BMPR1A: variants seen among roughly 807,000 people sequenced by gnomAD.
The protein encoded by BMPR1A is bone morphogenetic protein receptor type-1A.
A neutral mutation model predicts 66.0 loss-of-function variants in BMPR1A; 7 were observed. The ratio of observed to expected loss-of-function variants is 0.11; its 90% CI spans 0.06 to 0.20. The LOEUF is 0.20. BMPR1A is among the 10% of genes least tolerant of loss of function. BMPR1A has a pLI of 1.00. For synonymous variants in BMPR1A, 200 were observed against 229.7 expected, an observed-to-expected ratio of 0.87 and a Z score of 1.17; for missense variants, 408 against 669.1, an observed-to-expected ratio of 0.61 and a Z score of 4.31.
At chr10:86,821,542 T>A (rs902311754) in intron 1 of BMPR1A, among the ~76,000 whole-genome samples, 1 of 152,168 alleles carries the variant, frequency 6.6e-6, no homozygotes, top group Non-Finnish European at 1.5e-5. Flanking sequence ...ATCATGCTCA[T>A]TGCTAAGTTG....
chr10:86,779,802 A>G (rs61858601), intron 1 of BMPR1A, among the ~76,000 whole-genome samples: 6,780 of 152,020 alleles, frequency 0.045, 151 homozygotes, highest in Middle Eastern at 0.086. Flanking sequence ...GGGTCTCGCT[A>G]TGTTGCCCAG....
intron 1 of BMPR1A, among the ~76,000 whole-genome samples, chr10:86,758,897 G>C (rs1423337053): frequency 6.6e-6 from 1 of 152,124 alleles, no homozygotes; most frequent in Non-Finnish European, 1.5e-5. Context: ...CCTCTCCTTG[G>C]GTTTCATTCA....
chr10:86,872,579 T>C (rs1842865954), intron 2 of BMPR1A, among the ~76,000 whole-genome samples: 1 of 152,132 alleles, frequency 6.6e-6, no homozygotes, highest in African/African-American at 2.4e-5. Flanking sequence ...TTATGACTAC[T>C]GGCACATAGA....
At position 86,835,508 on chromosome 10, in the gene BMPR1A, G is replaced by C. The variant is rs1589738753; in HGVS notation, c.-267-3357G>C. On this transcript the variant is annotated intron_variant, in intron 1 of 12. Coordinates refer to ENST00000372037, the MANE Select transcript of BMPR1A (RefSeq NM_004329.3). ...AGAGGTTGCAGTGAGCTGAGATCGTGCCACTGTACTCCAGCCTGGGTGACA... is the reference window on the plus strand; with the variant it reads ...AGAGGTTGCAGTGAGCTGAGATCGTCCCACTGTACTCCAGCCTGGGTGACA... 4.9e-5 allele frequency among the ~76,000 whole-genome samples: 6 copies of C among 122,860 alleles called. No homozygotes were observed. The East Asian group carries it at 1.4e-3, about 28-fold the overall frequency. 80.6% of individuals were successfully genotyped at this position (122,860 alleles called of 152,430 possible).
At chr10:86,834,568 G>GT (rs1009611095) in intron 1 of BMPR1A, among the ~76,000 whole-genome samples, 1 of 152,146 alleles carries the variant, frequency 6.6e-6, no homozygotes, top group African/African-American at 2.4e-5. Context: ...GGCATCTTGA[G>GT]TTTCAAAATC....
rs759520915 is a variant in BMPR1A at position 86,919,371 on chromosome 10, C to G, written c.1068C>G (p.Pro356=). ...AAATTTATGGCACCCAAGGAAAGCC[C>G]GCAATTGCTCATCGAGACCTAAAGA... ...HTEIYGTQGK[P]AIAHRDLKSK... Residue 356 remains proline (P), a synonymous_variant, in exon 10 of 13, where the codon CCC becomes CCG. Transcript: ENST00000372037. 6.2e-7 allele frequency: 1 copy of G among 1,612,960 alleles called. No individual in the cohort carries two copies. The highest frequency in any genetic ancestry group is 1.1e-5 in the South Asian group (1 of 91,032).
chr10:86,861,044 T>C (rs1422810168), intron 2 of BMPR1A, among the ~76,000 whole-genome samples: 1 of 151,948 alleles, frequency 6.6e-6, no homozygotes, highest in East Asian at 2.0e-4. Flanking sequence ...GGTTTCACCA[T>C]GTTAGCCAGG....
At chr10:86,883,506 C>T (rs1446891011) in intron 3 of BMPR1A, among the ~76,000 whole-genome samples, 6 of 140,444 alleles carry the variant, frequency 4.3e-5, no homozygotes, top group African/African-American at 8.1e-5. Flanking sequence ...GCCGAGATCA[C>T]GCCACTGCAC....
chr10:86,804,806 T>G (rs1731050870), intron 1 of BMPR1A, among the ~76,000 whole-genome samples: 1 of 150,598 alleles, frequency 6.6e-6, no homozygotes, highest in African/African-American at 2.4e-5. Flanking sequence ...TTTTTTTTTT[T>G]TTTTTTTTGC....
intron 11 of BMPR1A, 136 bp from the exon 12 acceptor site, chr10:86,923,240 A>AT: frequency 8.4e-7 from 1 of 1,194,778 alleles, no homozygotes. Flanking sequence ...TACTATTAAG[A>AT]GTGAATCATA....
chr10:86,924,422 C>G lies in BMPR1A; in HGVS notation c.*703C>G. ...TTACTTTGCAAGTGAGATAGCTTCC[C>G]CACCAGCTTTATTTTTTAACATGAA... is the stretch of plus-strand genomic sequence containing the variant. On this transcript the variant is annotated 3_prime_UTR_variant, in exon 13 of 13. Transcript: ENST00000372037. The G allele has an allele frequency of 4.3e-6, 1 of 233,758 alleles. No homozygotes were observed. The highest frequency in any genetic ancestry group is 8.5e-6 in the Non-Finnish European group (1 of 118,098). The allele number at this position is 233,758 out of a possible 1,614,324, so 14.5% of individuals were successfully genotyped here. A position where few individuals can be genotyped will look rare whatever the true frequency, so the allele number is the denominator to read the frequency against.
In BMPR1A at chr10:86,927,303, T is replaced by C. The variant is rs1843759317; in HGVS notation, c.*3584T>C. 1.6e-5 allele frequency: 3 copies of C among 192,436 alleles called. No homozygotes were observed. Among genetic ancestry groups the C allele is most frequent in the Admixed American group, 1.2e-4 (2 of 16,372 alleles). The allele number at this position is 192,436 out of a possible 1,614,324, so 11.9% of individuals were successfully genotyped here. On this transcript the variant is annotated 3_prime_UTR_variant, in exon 13 of 13. Transcript: ENST00000372037. ...TTCATAGATGTTGTTTTGAAATGTT[T>C]CTAAATATCTAAAATCATTTCAACA...
intron 1 of BMPR1A, among the ~76,000 whole-genome samples, chr10:86,796,529 TTTTAG>T (rs1841712512): frequency 6.8e-6 from 1 of 146,566 alleles, no homozygotes; most frequent in African/African-American, 2.5e-5. Context: ...ATTTATTTAT[TTTTAG>T]TATTTTGAGA....
chr10:86,776,717 C>G (rs1841353703), intron 1 of BMPR1A, among the ~76,000 whole-genome samples: 1 of 152,110 alleles, frequency 6.6e-6, no homozygotes, highest in African/African-American at 2.4e-5. Flanking sequence ...TCCATGGAAC[C>G]TTGACTGACT....
chr10:86,842,771 G>A (rs886183009), intron 2 of BMPR1A, among the ~76,000 whole-genome samples: 2 of 152,132 alleles, frequency 1.3e-5, no homozygotes, highest in Admixed American at 1.3e-4. Context: ...GAAGGTGAAA[G>A]GCACATCTTA....
At chr10:86,772,371 C>T (rs1194933901) in intron 1 of BMPR1A, among the ~76,000 whole-genome samples, 1 of 152,062 alleles carries the variant, frequency 6.6e-6, no homozygotes, top group African/African-American at 2.4e-5. Context: ...ACCTCATGAT[C>T]TCCCCACCTT....
At chr10:86,922,565 G>A (rs960792408) in intron 11 of BMPR1A, among the ~76,000 whole-genome samples, 1 of 152,204 alleles carries the variant, frequency 6.6e-6, no homozygotes, top group Non-Finnish European at 1.5e-5. Context: ...CCCAGTGAAA[G>A]GATACAAATC....
chr10:86,861,194 T>C (rs1427387664), intron 2 of BMPR1A, among the ~76,000 whole-genome samples: 1 of 152,178 alleles, frequency 6.6e-6, no homozygotes, highest in East Asian at 1.9e-4. Context: ...AAAGATGTTG[T>C]AACGCAGAAT....
At chr10:86,820,065 G>T (rs1179492511) in intron 1 of BMPR1A, among the ~76,000 whole-genome samples, 1 of 151,942 alleles carries the variant, frequency 6.6e-6, no homozygotes, top group Non-Finnish European at 1.5e-5. Context: ...TTTGAGACAG[G>T]GTCTAACTTT....
Sources: gnomAD v4.1 joint callset for allele counts (sites outside exome capture counted in the v4.1 genomes callset) on GRCh38, gnomAD v4.1.1 for gene constraint, MANE v1.5 for transcripts, NCBI Gene and HGNC (gene_info 2026-07-23, HGNC 2026-07-21) for gene names.